The following PDZD2 variants were observed in gnomAD, a reference collection of about 807,000 sequenced individuals.
PDZD2 encodes PDZ domain-containing protein 2.
A neutral mutation model predicts 220.7 loss-of-function variants in PDZD2; 90 were observed. The observed-to-expected ratio is 0.41, with a 90% CI of 0.34 to 0.49. The LOEUF is 0.49. PDZD2 is among the 20% of genes least tolerant of loss of function. The probability of loss-of-function intolerance (pLI) is 0.28; values close to 1 mark genes in which losing one functional copy is unlikely to be tolerated. For missense variants in PDZD2, 3,174 were observed against 3,608.5 expected (o/e 0.88, Z 3.08); for synonymous variants, 1,375 against 1,450.5 (o/e 0.95, Z 1.18).
intron 17 of PDZD2, among the ~76,000 whole-genome samples, 159 bp from the exon 18 acceptor site, chr5:32,073,673 G>A (rs569321657): frequency 3.0e-4 from 46 of 152,212 alleles, no homozygotes; most frequent in South Asian, 8.3e-4. Context: ...TAGCCTCCAG[G>A]AAGCCATGTT....
chr5:31,989,758 A>G (rs1751066778), intron 3 of PDZD2, among the ~76,000 whole-genome samples: 1 of 152,128 alleles, frequency 6.6e-6, no homozygotes, highest in South Asian at 2.1e-4. Flanking sequence ...CCAGTCAGCC[A>G]TTGATAGACA....
intron 1 of PDZD2, among the ~76,000 whole-genome samples, chr5:31,700,758 C>T (rs1336931588): frequency 6.6e-6 from 1 of 152,238 alleles, no homozygotes; most frequent in Non-Finnish European, 1.5e-5. Flanking sequence ...AGGTGACCAG[C>T]TCATCCTAGT....
At chr5:32,030,366 T>C (rs1252699436) in intron 6 of PDZD2, among the ~76,000 whole-genome samples, 1 of 152,216 alleles carries the variant, frequency 6.6e-6, no homozygotes. Context: ...GCCTCTTCCT[T>C]GGGATTAGTT....
chr5:31,649,607 C>T (rs753471646), intron 1 of PDZD2, among the ~76,000 whole-genome samples: 1 of 152,030 alleles, frequency 6.6e-6, no homozygotes, highest in Non-Finnish European at 1.5e-5. Context: ...CTATTTCTGC[C>T]TTTCCTTTAA....
intron 1 of PDZD2, among the ~76,000 whole-genome samples, chr5:31,687,095 T>C (rs1746906170): frequency 6.6e-6 from 1 of 151,782 alleles, no homozygotes; most frequent in South Asian, 2.1e-4. Flanking sequence ...CTCATAGATA[T>C]AAAAAAAGTT....
chr5:31,654,727 T>C (rs956985507), intron 1 of PDZD2, among the ~76,000 whole-genome samples: 13 of 152,190 alleles, frequency 8.5e-5, no homozygotes, highest in Non-Finnish European at 1.8e-4. Context: ...CATCTCTCAA[T>C]TGGGCTATTT....
In PDZD2 at chr5:31,736,952, C is replaced by T. The variant is rs555596682; in HGVS notation, c.-360-61937C>T. Among the ~76,000 whole-genome samples the T allele has an allele frequency of 5.2e-4, 48 of 91,890 alleles. No individual in the cohort carries two copies. In the South Asian group the frequency reaches 0.016, roughly 31 times the overall value. 60.3% of individuals were successfully genotyped at this position (91,890 alleles called of 152,430 possible). On this transcript the variant is annotated intron_variant, in intron 1 of 24. Transcript: ENST00000438447. ...CCATGGGACGTGCTTGCTCCCACTT[C>T]GCCTTCCACCATGAGGCCTCCCCAG... is the stretch of plus-strand genomic sequence containing the variant.
chr5:32,052,226 A>G (rs1016506411), intron 8 of PDZD2, among the ~76,000 whole-genome samples: 1 of 151,924 alleles, frequency 6.6e-6, no homozygotes, highest in Non-Finnish European at 1.5e-5. Flanking sequence ...GCTCACTGCA[A>G]CCTCCACCTC....
intron 1 of PDZD2, among the ~76,000 whole-genome samples, chr5:31,691,063 G>A (rs1747096021): frequency 6.6e-6 from 1 of 152,238 alleles, no homozygotes; most frequent in African/African-American, 2.4e-5. Flanking sequence ...CTTCAAGAAT[G>A]AAGCCGCGGA....
chr5:31,962,540 G>A (rs1311266398), intron 2 of PDZD2, among the ~76,000 whole-genome samples: 5 of 152,158 alleles, frequency 3.3e-5, no homozygotes. Flanking sequence ...CTCTGCCCTT[G>A]GCAGTGCAGT....
chr5:32,064,467 T>G (rs1001813108), intron 14 of PDZD2, among the ~76,000 whole-genome samples: 2 of 151,970 alleles, frequency 1.3e-5, no homozygotes, highest in African/African-American at 4.8e-5. Flanking sequence ...GGTCTCGAAC[T>G]CCTAACCTCA....
At chr5:31,813,101 C>T (rs1322898740) in intron 2 of PDZD2, among the ~76,000 whole-genome samples, 1 of 152,134 alleles carries the variant, frequency 6.6e-6, no homozygotes, top group Admixed American at 6.5e-5. Context: ...ATAGATTGTG[C>T]CTTACGGTAA....
At chr5:32,094,376 G>C (rs1490456777) in intron 21 of PDZD2, among the ~76,000 whole-genome samples, 5 of 152,162 alleles carry the variant, frequency 3.3e-5, no homozygotes, top group Admixed American at 3.3e-4. Flanking sequence ...TTTCTATTTA[G>C]AGAAATAAAT....
intron 2 of PDZD2, among the ~76,000 whole-genome samples, chr5:31,967,305 G>A (rs182749276): frequency 2.4e-4 from 37 of 152,270 alleles, no homozygotes; most frequent in African/African-American, 8.4e-4. Flanking sequence ...ATGGACCCAC[G>A]GGAATCTGCC....
intron 6 of PDZD2, among the ~76,000 whole-genome samples, chr5:32,034,395 G>A (rs1755368151): frequency 7.2e-6 from 1 of 138,118 alleles, no homozygotes; most frequent in South Asian, 2.3e-4. Flanking sequence ...GTCTCGCTCT[G>A]TCACCCAGGC....
At chr5:31,986,236 AT>A (rs1385551867) in intron 3 of PDZD2, among the ~76,000 whole-genome samples, 1 of 152,092 alleles carries the variant, frequency 6.6e-6, no homozygotes, top group African/African-American at 2.4e-5. Context: ...CCTTTAGGGC[AT>A]TTTTTTTAAA....
intron 1 of PDZD2, among the ~76,000 whole-genome samples, chr5:31,760,391 T>C (rs1294736745): frequency 6.6e-6 from 1 of 152,072 alleles, no homozygotes; most frequent in African/African-American, 2.4e-5. Context: ...TGAGCATAGG[T>C]GTACAGTGCC....
At chr5:31,982,999 A>G (rs976934069) in intron 2 of PDZD2, among the ~76,000 whole-genome samples, 156 bp from the exon 3 acceptor site, 4 of 152,152 alleles carry the variant, frequency 2.6e-5, no homozygotes, top group African/African-American at 9.7e-5. Context: ...ATAGATGAAA[A>G]GAATGAATTG....
chr5:31,741,374 T>TA (rs1561422638), intron 1 of PDZD2, among the ~76,000 whole-genome samples: 17 of 147,912 alleles, frequency 1.1e-4, no homozygotes, highest in South Asian at 8.7e-4. Flanking sequence ...TTTTTTTTTT[T>TA]TAAAAAGGCT....
Sources: gnomAD v4.1 joint callset for allele counts (sites outside exome capture counted in the v4.1 genomes callset) on GRCh38, gnomAD v4.1.1 for gene constraint, MANE v1.5 for transcripts, NCBI Gene and HGNC (gene_info 2026-07-23, HGNC 2026-07-21) for gene names.